The following NTRK3 variants were observed in gnomAD, a reference collection of about 807,000 sequenced individuals.
The protein encoded by NTRK3 is NT-3 growth factor receptor.
Under a neutral mutation model 91.7 loss-of-function variants are expected in NTRK3, and 24 were observed. That is an observed-to-expected ratio of 0.26 (90% CI 0.19 to 0.37). The LOEUF (loss-of-function observed/expected upper bound fraction) is 0.37, where lower values mean the gene tolerates loss of function less well. Ranked by LOEUF, NTRK3 falls within the 10% of genes least tolerant of loss-of-function variation. The probability of loss-of-function intolerance (pLI) is 1.00; values close to 1 mark genes in which losing one functional copy is unlikely to be tolerated. For missense variants in NTRK3, 880 were observed against 1,068.9 expected (o/e 0.82, Z 2.46); for synonymous variants, 483 against 404.0 (o/e 1.20, Z -2.34).
chr15:88,173,701 G>A (rs767788532), intron 5 of NTRK3, among the ~76,000 whole-genome samples: 2 of 152,214 alleles, frequency 1.3e-5, no homozygotes, highest in Non-Finnish European at 2.9e-5. Context: ...ATTTTGAGGA[G>A]TGCTGCTCTG....
rs1026039092 is a variant in NTRK3, at chr15:87,979,098, A to T, written c.1586-38345T>A. 5.1e-6 allele frequency: 3 copies of T among 589,744 alleles called. No homozygotes were observed. The Admixed American group carries it at 9.0e-5, about 18-fold the overall frequency. The allele number at this position is 589,744 out of a possible 1,614,324, so 36.5% of individuals were successfully genotyped here. On this transcript the variant is annotated intron_variant, in intron 14 of 18. Transcript: ENST00000394480. ...CTTTATTGGCTCTAAAGATAGTGGC[A>T]GGAGCTGCCTCGTAGGCCGGGAAAA...
At chr15:87,873,377 G>A (rs774019673) in exon 19 of NTRK3, 20 of 229,352 alleles carry the variant, frequency 8.7e-5, no homozygotes, top group Non-Finnish European at 1.4e-4. Context: ...GGCAGAGTTA[G>A]GTTCACATCC....
intron 17 of NTRK3, among the ~76,000 whole-genome samples, chr15:87,926,150 A>G (rs2068289268): frequency 6.6e-6 from 1 of 152,226 alleles, no homozygotes; most frequent in South Asian, 2.1e-4. Flanking sequence ...GCCTAAATCC[A>G]AGAATTCCAT....
chr15:87,909,135 T>G (rs2066938945), intron 17 of NTRK3, among the ~76,000 whole-genome samples: 1 of 152,098 alleles, frequency 6.6e-6, no homozygotes, highest in African/African-American at 2.4e-5. Flanking sequence ...TTAGAAAGGT[T>G]AACTCACTGA....
chr15:88,114,693 C>G (rs1040338552), intron 13 of NTRK3, among the ~76,000 whole-genome samples: 1 of 152,206 alleles, frequency 6.6e-6, no homozygotes, highest in Non-Finnish European at 1.5e-5. Context: ...TAAGCCTTGA[C>G]TATCTCTGAA....
At chr15:87,915,555 A>C (rs2141786102) in intron 17 of NTRK3, among the ~76,000 whole-genome samples, 1 of 152,342 alleles carries the variant, frequency 6.6e-6, no homozygotes, top group South Asian at 2.1e-4. Flanking sequence ...CAAATGTCTA[A>C]ACCAGTCCTG....
chr15:87,892,660 A>G (rs2065908503), intron 17 of NTRK3, among the ~76,000 whole-genome samples: 1 of 152,212 alleles, frequency 6.6e-6, no homozygotes, highest in Admixed American at 6.5e-5. Flanking sequence ...TAGTAATCAT[A>G]ATGATAACTC....
intron 5 of NTRK3, among the ~76,000 whole-genome samples, chr15:88,152,356 A>G (rs1567537565): frequency 6.6e-6 from 1 of 152,208 alleles, no homozygotes; most frequent in Non-Finnish European, 1.5e-5. Flanking sequence ...TTGTGTCTGT[A>G]TTTGGAGATG....
chr15:88,185,179 A>C (rs527960784), intron 3 of NTRK3, among the ~76,000 whole-genome samples: 91 of 152,366 alleles, frequency 6.0e-4, no homozygotes, highest in Non-Finnish European at 9.4e-4. Flanking sequence ...TCTAGCAAGC[A>C]CACTACATCT....
chr15:87,863,838 C>T (rs1335123928), exon 19 of NTRK3: 4 of 231,628 alleles, frequency 1.7e-5, no homozygotes, highest in Non-Finnish European at 3.4e-5. Context: ...GCAACATGGG[C>T]CTCTGAATTC....
At chr15:88,068,427 T>A (rs2046837056) in intron 13 of NTRK3, among the ~76,000 whole-genome samples, 1 of 151,650 alleles carries the variant, frequency 6.6e-6, no homozygotes, top group African/African-American at 2.4e-5. Flanking sequence ...GGAAACTCCA[T>A]CTCAAAAAAA....
intron 14 of NTRK3, among the ~76,000 whole-genome samples, chr15:87,988,624 C>G (rs982087307): frequency 1.3e-5 from 2 of 152,100 alleles, no homozygotes; most frequent in African/African-American, 4.8e-5. Flanking sequence ...AATTTTCATT[C>G]AGAATTTATA....
chr15:87,921,881 TAAA>T (rs201850075), intron 17 of NTRK3, among the ~76,000 whole-genome samples: 1 of 143,188 alleles, frequency 7.0e-6, no homozygotes, highest in Non-Finnish European at 1.5e-5. Context: ...GACTTGGTAT[TAAA>T]AAAAAAAAAA....
chr15:88,182,002 A>G (rs1454548900), intron 5 of NTRK3, among the ~76,000 whole-genome samples: 1 of 152,106 alleles, frequency 6.6e-6, no homozygotes, highest in Admixed American at 6.5e-5. Context: ...CTGGTCCAAG[A>G]CCCTCCTCTG....
intron 13 of NTRK3, among the ~76,000 whole-genome samples, chr15:88,044,254 CTTTTTTTTT>C (rs1181028004): frequency 1.3e-5 from 1 of 78,486 alleles, no homozygotes; most frequent in East Asian, 4.1e-4. Flanking sequence ...AGTCTATGTT[CTTTTTTTTT>C]TTTTTTTTTT....
intron 13 of NTRK3, among the ~76,000 whole-genome samples, chr15:88,069,315 G>C (rs935344601): frequency 2.6e-5 from 4 of 152,188 alleles, no homozygotes; most frequent in Non-Finnish European, 5.9e-5. Context: ...AAAGACCTAT[G>C]ATTATTATTT....
intron 14 of NTRK3, among the ~76,000 whole-genome samples, chr15:87,945,606 G>A (rs1487388781): frequency 6.6e-6 from 1 of 150,720 alleles, no homozygotes; most frequent in Non-Finnish European, 1.5e-5. Context: ...TGTGGGGCAG[G>A]AGGGGAGGTA....
In NTRK3 at chr15:88,128,731, C is replaced by G. The variant is rs528962824; in HGVS notation, c.1208G>C (p.Ser403Thr). ...CTTACACAAGATAAAGTTATCCGTG[C>G]TCTCTGCAAAAAAAGGACAAAGAGA... The change falls in exon 11 of 19, where the codon AGC (serine) becomes ACC (threonine). Residue 403 changes from serine to threonine, a missense_variant. Coordinates refer to ENST00000394480, the Ensembl canonical transcript of NTRK3. 6 of 1,613,896 alleles carry G rather than the reference C, an allele frequency of 3.7e-6. No homozygotes were observed. The African/African-American group carries it at 8.0e-5, about 22-fold the overall frequency.
intron 13 of NTRK3, among the ~76,000 whole-genome samples, chr15:88,084,780 G>T (rs1245918178): frequency 6.6e-6 from 1 of 152,200 alleles, no homozygotes; most frequent in African/African-American, 2.4e-5. Context: ...CCTCAGGGAA[G>T]GCTTCTCATG....
Sources: gnomAD v4.1 joint callset for allele counts (sites outside exome capture counted in the v4.1 genomes callset) on GRCh38, gnomAD v4.1.1 for gene constraint, MANE v1.5 for transcripts, NCBI Gene and HGNC (gene_info 2026-07-23, HGNC 2026-07-21) for gene names.